The following PLAA variants were observed in gnomAD, a reference collection of about 807,000 sequenced individuals.
PLAA encodes phospholipase A-2-activating protein.
A neutral mutation model predicts 84.1 loss-of-function variants in PLAA; 48 were observed. That is an observed-to-expected ratio of 0.57 (90% confidence interval 0.45 to 0.73). The LOEUF (loss-of-function observed/expected upper bound fraction) is 0.73, where lower values mean the gene tolerates loss of function less well. PLAA is among the 30% of genes least tolerant of loss of function. The pLI, the probability that PLAA is intolerant of heterozygous loss-of-function variation, is 0.00. For missense variants in PLAA, 903 were observed against 954.7 expected (o/e 0.95, Z 0.71); for synonymous variants, 392 against 336.6 (o/e 1.16, Z -1.80).
intron 2 of PLAA, 82 bp downstream of exon 2, chr9:26,934,931 C>T: frequency 9.5e-7 from 1 of 1,057,142 alleles, no homozygotes; most frequent in Non-Finnish European, 1.4e-6. Flanking sequence ...ATAATAAAAA[C>T]TTGAGAAAAT....
chr9:26,918,465 G>A lies in PLAA; in HGVS notation c.1417+845C>T, dbSNP rs577754489. 5.9e-5 allele frequency among the ~76,000 whole-genome samples: 9 copies of A among 152,020 alleles called. No individual in the cohort carries two copies. The South Asian group carries it at 1.9e-3, about 32-fold the overall frequency. ...TTAAATCAACATGCAGGTAACATTA[G>A]TTTTATTTTATGAATGGGCAATGAA... is the stretch of plus-strand genomic sequence containing the variant. On this transcript the variant is annotated intron_variant, in intron 9 of 13. Coordinates refer to ENST00000397292, the MANE Select transcript of PLAA (RefSeq NM_001031689.3).
rs1403326752 is a variant in PLAA, at chr9:26,926,428, T to C, written c.698A>G (p.Tyr233Cys). The C allele has an allele frequency of 6.2e-7, 1 of 1,608,924 alleles. No homozygotes were observed. The highest frequency in any genetic ancestry group is 1.7e-5 in the Admixed American group (1 of 59,974). Residue 233 changes from tyrosine (Y) to cysteine (C), a missense_variant, in exon 5 of 14, where the codon TAT becomes TGT. Coordinates refer to ENST00000397292, the MANE Select transcript of PLAA (RefSeq NM_001031689.3). ...TGGAAAAACGGATATGCTATAAATA[T>C]AATTTGTATGTCCATAATATACTTC... The part of the protein sequence containing the change: ...CLEVYYGHTN[Y>C]IYSISVFPNC...
At chr9:26,938,236 A>C (rs1048038741) in intron 1 of PLAA, among the ~76,000 whole-genome samples, 1 of 152,218 alleles carries the variant, frequency 6.6e-6, no homozygotes, top group African/African-American at 2.4e-5. Context: ...AACTGAGTGC[A>C]GTAGCACACA....
intron 12 of PLAA, among the ~76,000 whole-genome samples, chr9:26,909,869 C>T (rs968382963): frequency 6.6e-6 from 1 of 152,154 alleles, no homozygotes; most frequent in Non-Finnish European, 1.5e-5. Flanking sequence ...GGCAGTCCGC[C>T]CGCCTTGGCC....
intron 1 of PLAA, among the ~76,000 whole-genome samples, chr9:26,945,407 A>C (rs1266627144): frequency 6.6e-6 from 1 of 152,246 alleles, no homozygotes; most frequent in Non-Finnish European, 1.5e-5. Flanking sequence ...TCAAACAAAA[A>C]GTTCCATATT....
chr9:26,919,082 T>G (rs956964796), intron 9 of PLAA: 4 of 381,956 alleles, frequency 1.0e-5, no homozygotes, highest in African/African-American at 8.3e-5. Context: ...ATAACTGAAA[T>G]TCCATTATAG....
Position 26,946,960 on chromosome 9 carries a change from T to C in PLAA, c.86A>G (p.Tyr29Cys), listed in dbSNP as rs756160184. ...CACGGACACAAAGGCTCCCGGCGGATAGGCGCAGCACACCAGGCCCCGTAC... is the reference window on the plus strand; with the variant it reads ...CACGGACACAAAGGCTCCCGGCGGACAGGCGCAGCACACCAGGCCCCGTAC... ...LDVRGLVCCA[Y>C]PPGAFVSVSR... The change falls in exon 1 of 14, where the codon TAT (tyrosine) becomes TGT (cysteine). Residue 29 changes from tyrosine to cysteine, a missense_variant. Transcript: ENST00000397292. The C allele has an allele frequency of 8.2e-6, 13 of 1,589,924 alleles. No homozygotes were observed. Among genetic ancestry groups the C allele is most frequent in the Admixed American group, 3.5e-5 (2 of 57,064 alleles).
At chr9:26,929,752 T>C (rs1038803226) in intron 2 of PLAA, among the ~76,000 whole-genome samples, 1 of 152,196 alleles carries the variant, frequency 6.6e-6, no homozygotes, top group Non-Finnish European at 1.5e-5. Flanking sequence ...AATTGTATAT[T>C]GGGTATGGTT....
At chr9:26,926,798 C>G (rs898232486) in intron 4 of PLAA, among the ~76,000 whole-genome samples, 11 of 152,004 alleles carry the variant, frequency 7.2e-5, no homozygotes, top group African/African-American at 2.7e-4. Context: ...CTCCAAAAAC[C>G]TCCAGAAATA....
chr9:26,924,191 G>C (rs1824866245), intron 6 of PLAA, among the ~76,000 whole-genome samples: 1 of 151,986 alleles, frequency 6.6e-6, no homozygotes, highest in Non-Finnish European at 1.5e-5. Context: ...GTGCAGGGGC[G>C]GCAATCACAG....
intron 2 of PLAA, among the ~76,000 whole-genome samples, chr9:26,930,363 C>CA (rs1825141990): frequency 6.6e-6 from 1 of 151,894 alleles, no homozygotes; most frequent in Non-Finnish European, 1.5e-5. Flanking sequence ...CTTGGCCTCC[C>CA]AAGTGCTGGG....
At chr9:26,911,442 T>C (rs1431426699) in intron 11 of PLAA, among the ~76,000 whole-genome samples, 1 of 152,098 alleles carries the variant, frequency 6.6e-6, no homozygotes, top group Non-Finnish European at 1.5e-5. Context: ...TAAGCCACCA[T>C]GCCCAGCCTA....
At chr9:26,907,551 CA>C in intron 13 of PLAA, 1 of 315,610 alleles carries the variant, frequency 3.2e-6, no homozygotes, top group Non-Finnish European at 5.7e-6. Flanking sequence ...AAAACAAAAA[CA>C]AAACAAAACA....
chr9:26,932,281 T>C (rs866349364), intron 2 of PLAA, among the ~76,000 whole-genome samples: 3 of 152,198 alleles, frequency 2.0e-5, no homozygotes, highest in African/African-American at 7.2e-5. Flanking sequence ...AGGACGTGAG[T>C]GTCCTTATCT....
Position 26,925,841 on chromosome 9 carries a change from T to A in PLAA, c.853A>T (p.Ile285Phe). Residue 285 changes from isoleucine to phenylalanine, a missense_variant, in exon 6 of 14, where the codon ATT becomes TTT. By Grantham distance (21) the Ile-to-Phe change is conservative (BLOSUM62 0). Transcript: ENST00000397292. ...WCCCVLDNGD[I>F]VVGASDGIIR... The stretch of plus-strand genomic sequence containing the variant: ...TATAAATACCTCGCACCAACCACAA[T>A]GTCACCATTGTCGAGCACACAGCAG... The A allele has an allele frequency of 2.5e-6, 4 of 1,614,000 alleles. No individual in the cohort carries two copies. Among genetic ancestry groups the A allele is most frequent in the Non-Finnish European group, 3.4e-6 (4 of 1,179,958 alleles).
rs1824198095 is a variant in PLAA at position 26,905,439 on chromosome 9, T to A, written c.*72A>T. ...ACCGTATTCTCTTTTTTTAATTATC[T>A]GTTATCAGTCATGTCAAATGTGAGG... On this transcript the variant is annotated 3_prime_UTR_variant, in exon 14 of 14. Transcript: ENST00000397292. 1 of 1,096,126 alleles carries A rather than the reference T, an allele frequency of 9.1e-7. No individual in the cohort carries two copies. The highest frequency in any genetic ancestry group is 1.3e-6 in the Non-Finnish European group (1 of 754,160). The allele number at this position is 1,096,126 out of a possible 1,614,324, so 67.9% of individuals were successfully genotyped here.
At chr9:26,929,111 A>G (rs1163517517) in intron 2 of PLAA, among the ~76,000 whole-genome samples, 2 of 152,178 alleles carry the variant, frequency 1.3e-5, no homozygotes, top group African/African-American at 2.4e-5. Context: ...AGGTGGGAGG[A>G]TTGCTTGAGC....
In PLAA at chr9:26,904,067, CA is replaced by C. The variant is rs1272972179; in HGVS notation, c.*1443del. On this transcript the variant is annotated 3_prime_UTR_variant, in exon 14 of 14. Transcript: ENST00000397292. ...GAGCCAGTGAACAGAATATTTAGTC[CA>C]GGTACACACCAGGTAGTTCCAATTT... The C allele has an allele frequency of 2.0e-5, 3 of 153,390 alleles. No homozygotes were observed. The highest frequency in any genetic ancestry group is 7.2e-5 in the African/African-American group (3 of 41,432). The allele number at this position is 153,390 out of a possible 1,614,324, so 9.5% of individuals were successfully genotyped here.
At chr9:26,917,829 A>G (rs780933868) in intron 9 of PLAA, among the ~76,000 whole-genome samples, 2 of 152,208 alleles carry the variant, frequency 1.3e-5, no homozygotes, top group Non-Finnish European at 2.9e-5. Flanking sequence ...AAAAACAAAA[A>G]ACAGTAAGGA....
Sources: allele counts gnomAD v4.1 joint callset (sites outside exome capture counted in the v4.1 genomes callset), GRCh38; gene constraint gnomAD v4.1.1; transcripts MANE v1.5; gene names NCBI Gene and HGNC (gene_info 2026-07-23, HGNC 2026-07-21).